The following PCDHGA1 variants were observed in gnomAD, a reference collection of about 807,000 sequenced individuals.
PCDHGA1 encodes protocadherin gamma-A1.
In PCDHGA1, 32 loss-of-function variants were observed where a neutral mutation model predicts 58.0. That is an observed-to-expected ratio of 0.55 (90% confidence interval 0.42 to 0.74). The LOEUF is 0.74. Among genes scored for constraint, PCDHGA1 ranks in the 30% least tolerant of loss-of-function variants. PCDHGA1 has a pLI of 0.00. For missense variants in PCDHGA1, 1,205 were observed against 1,182.3 expected (o/e 1.02, Z -0.28); for synonymous variants, 498 against 501.1 (o/e 0.99, Z 0.08).
intron 1 of PCDHGA1, among the ~76,000 whole-genome samples, chr5:141,449,560 GC>G (rs1487612909): frequency 6.9e-6 from 1 of 145,056 alleles, no homozygotes; most frequent in Non-Finnish European, 1.5e-5. Flanking sequence ...CTGCACTCCA[GC>G]CTGGGCGACA....
chr5:141,399,753 G>A (rs1418820057), intron 1 of PCDHGA1: 6 of 1,613,252 alleles, frequency 3.7e-6, no homozygotes, highest in Middle Eastern at 1.7e-4. Flanking sequence ...GCGCAAACGT[G>A]AGCCTGCGCG....
intron 1 of PCDHGA1, among the ~76,000 whole-genome samples, chr5:141,434,860 A>G (rs2097723622): frequency 6.6e-6 from 1 of 151,982 alleles, no homozygotes; most frequent in African/African-American, 2.4e-5. Flanking sequence ...ATAAATTTAT[A>G]TATATGTGAC....
Position 141,419,271 on chromosome 5 carries a change from T to C in PCDHGA1, c.2422-75536T>C, listed in dbSNP as rs2096352878. 4 of 1,613,902 alleles carry C rather than the reference T, an allele frequency of 2.5e-6. No homozygotes were observed. In the South Asian group the frequency reaches 3.3e-5, roughly 13 times the overall value. ...GAAAACAACCAGCCGGGTGCCTCCA[T>C]AGCGCAAGTCAGTGCCTCTGACCCA... On this transcript the variant is annotated intron_variant, in intron 1 of 3. Transcript: ENST00000517417.
At chr5:141,341,464 A>G (rs774397437) in intron 1 of PCDHGA1, 2 of 1,599,382 alleles carry the variant, frequency 1.3e-6, no homozygotes, top group Non-Finnish European at 1.7e-6. Flanking sequence ...TGTTTACTAT[A>G]TCTATTTTGT....
In PCDHGA1 at chr5:141,491,225, T is replaced by G. The variant is rs764111440; in HGVS notation, c.2422-3582T>G. The stretch of plus-strand genomic sequence containing the variant: ...CCTTCACTCTCCTCCACAGCCACAG[T>G]GCTGCTGGTTCTGGAGGATGAGGAC... On this transcript the variant is annotated intron_variant, in intron 1 of 3. Transcript: ENST00000517417. This position sits in a 1 kb window ranked among gnomAD's most constrained non-coding sequence, Gnocchi z 6.9. 6.2e-7 allele frequency: 1 copy of G among 1,614,232 alleles called. No individual in the cohort carries two copies. Among genetic ancestry groups the G allele is most frequent in the Non-Finnish European group, 8.5e-7 (1 of 1,180,028 alleles).
intron 1 of PCDHGA1, among the ~76,000 whole-genome samples, chr5:141,448,117 A>G (rs564444141): frequency 6.6e-6 from 1 of 152,094 alleles, no homozygotes; most frequent in Non-Finnish European, 1.5e-5. Flanking sequence ...AAAGAAAATT[A>G]GCCTCCCCCA....
intron 1 of PCDHGA1, among the ~76,000 whole-genome samples, chr5:141,437,723 G>A (rs2097904411): frequency 6.6e-6 from 1 of 150,736 alleles, no homozygotes; most frequent in South Asian, 2.1e-4. Context: ...ACCCTCTAAT[G>A]TTACACTTTG....
At chr5:141,478,333 G>C in intron 1 of PCDHGA1, 5 of 1,613,928 alleles carry the variant, frequency 3.1e-6, no homozygotes, top group Non-Finnish European at 4.2e-6. Flanking sequence ...GAACACCAGG[G>C]CCCTCCTTGC....
intron 1 of PCDHGA1, chr5:141,424,091 G>A: frequency 1.1e-6 from 1 of 879,778 alleles, no homozygotes; most frequent in Non-Finnish European, 1.4e-6. Context: ...ACCATTATTT[G>A]CTATTACTGC....
intron 1 of PCDHGA1, chr5:141,410,011 G>T (rs2095347816): frequency 6.2e-7 from 1 of 1,613,184 alleles, no homozygotes; most frequent in South Asian, 1.1e-5. Context: ...ACAACGCCTG[G>T]CTGTCCTACC....
chr5:141,455,055 G>T (rs1019622889), intron 1 of PCDHGA1, among the ~76,000 whole-genome samples: 1 of 151,602 alleles, frequency 6.6e-6, no homozygotes, highest in African/African-American at 2.4e-5. Flanking sequence ...CTCGTGATCC[G>T]CCCGCCTCGG....
chr5:141,476,978 C>A lies in PCDHGA1; in HGVS notation c.2422-17829C>A, dbSNP rs1468851988. The A allele has an allele frequency of 2.5e-6, 4 of 1,614,138 alleles. No individual in the cohort carries two copies. Among genetic ancestry groups the A allele is most frequent in the Admixed American group, 3.3e-5 (2 of 60,012 alleles). On this transcript the variant is annotated intron_variant, in intron 1 of 3. Transcript: ENST00000517417. This position sits in a 1 kb window ranked among gnomAD's most constrained non-coding sequence, Gnocchi z 7.6. ...TATTTACTCCTTCGGCAGCCACAAC[C>A]GCGCCGGCGTGCGGCAACTATTCGC...
At chr5:141,455,920 C>T (rs941360102) in intron 1 of PCDHGA1, among the ~76,000 whole-genome samples, 1 of 147,944 alleles carries the variant, frequency 6.8e-6, no homozygotes, top group Non-Finnish European at 1.5e-5. Context: ...TATTTTGAGA[C>T]GGAGTCTCGC....
chr5:141,432,435 C>T lies in PCDHGA1; in HGVS notation c.2422-62372C>T. 1 of 1,614,212 alleles carries T rather than the reference C, an allele frequency of 6.2e-7. No homozygotes were observed. Among genetic ancestry groups the T allele is most frequent in the Non-Finnish European group, 8.5e-7 (1 of 1,180,038 alleles). The stretch of plus-strand genomic sequence containing the variant: ...TTCGTGCTGGACCAGAACGACAATG[C>T]GCCCGAGATCCTGTACCCCGCCCTC... On this transcript the variant is annotated intron_variant, in intron 1 of 3. Transcript: ENST00000517417. This position sits in a 1 kb window ranked among gnomAD's most constrained non-coding sequence, Gnocchi z 6.0.
chr5:141,439,531 G>T (rs1474855779), intron 1 of PCDHGA1, among the ~76,000 whole-genome samples: 1 of 152,126 alleles, frequency 6.6e-6, no homozygotes, highest in Non-Finnish European at 1.5e-5. Context: ...TCTACAGAAC[G>T]CTGTCCTCTC....
At position 141,490,545 on chromosome 5, in the gene PCDHGA1, C is replaced by T; in HGVS notation, c.2422-4262C>T. 3 of 1,614,164 alleles carry T rather than the reference C, an allele frequency of 1.9e-6. No homozygotes were observed. The highest frequency in any genetic ancestry group is 2.5e-6 in the Non-Finnish European group (3 of 1,180,018). ...GCGATGCTGGTTCACCTTCCCTACA[C>T]AAACATCTCACCATCAGGCTCAACA... On this transcript the variant is annotated intron_variant, in intron 1 of 3. Coordinates refer to ENST00000517417, the MANE Select transcript of PCDHGA1 (RefSeq NM_018912.3). The surrounding 1 kb of genome is among the most constrained non-coding windows in gnomAD (Gnocchi z 5.4).
At chr5:141,375,579 C>G in intron 1 of PCDHGA1, 1 of 1,614,114 alleles carries the variant, frequency 6.2e-7, no homozygotes, top group South Asian at 1.1e-5. Flanking sequence ...CTCCAGGGGG[C>G]GCCCCTGTCC....
intron 1 of PCDHGA1, chr5:141,419,629 G>T: frequency 6.2e-7 from 1 of 1,612,444 alleles, no homozygotes; most frequent in Non-Finnish European, 8.5e-7. Context: ...TGGTGACCAA[G>T]GTGGTGGCCG....
intron 1 of PCDHGA1, chr5:141,367,575 T>C (rs1765237338): frequency 7.4e-6 from 1 of 135,240 alleles, no homozygotes. Context: ...TAAATAAATA[T>C]CAGAAAAGTA....
Sources: allele counts gnomAD v4.1 joint callset (sites outside exome capture counted in the v4.1 genomes callset), GRCh38; gene constraint gnomAD v4.1.1; non-coding constraint Gnocchi (gnomAD v3.1); transcripts MANE v1.5; gene names NCBI Gene and HGNC (gene_info 2026-07-23, HGNC 2026-07-21).